The following RAD18 variants were observed in gnomAD, a reference collection of about 807,000 sequenced individuals.
The protein encoded by RAD18 is RAD18 E3 ubiquitin protein ligase.
A neutral mutation model predicts 60.4 loss-of-function variants in RAD18; 47 were observed. The observed-to-expected ratio is 0.78, with a 90% CI of 0.62 to 0.99. The LOEUF (loss-of-function observed/expected upper bound fraction) is 0.99. Among genes scored for constraint, RAD18 ranks in the 50% least tolerant of loss-of-function variants. RAD18 has a pLI of 0.00. For synonymous variants in RAD18, 225 were observed against 195.5 expected (o/e 1.15, Z -1.26); for missense variants, 640 against 593.3 (o/e 1.08, Z -0.82).
chr3:8,929,642 A>T (rs1940514464), intron 7 of RAD18, among the ~76,000 whole-genome samples: 2 of 69,636 alleles, frequency 2.9e-5, no homozygotes. Flanking sequence ...AACTGGAATT[A>T]ATTTTTTTTT....
chr3:8,937,862 T>C (rs1228155230), intron 6 of RAD18, among the ~76,000 whole-genome samples: 1 of 152,178 alleles, frequency 6.6e-6, no homozygotes, highest in Non-Finnish European at 1.5e-5. Flanking sequence ...ACTATAGTGT[T>C]CTTTGAAGCA....
At position 8,902,420 on chromosome 3, in the gene RAD18, T is replaced by C. The variant is rs199699736; in HGVS notation, c.1128A>G (p.Lys376=). The C allele has an allele frequency of 6.2e-7, 1 of 1,610,206 alleles. No individual in the cohort carries two copies. Among genetic ancestry groups the C allele is most frequent in the African/African-American group, 1.3e-5 (1 of 74,810 alleles). Residue 376 remains lysine, a synonymous_variant, in exon 10 of 13, where the codon AAA becomes AAG. Coordinates refer to ENST00000264926, the MANE Select transcript of RAD18 (RefSeq NM_020165.4). ...ATAGCTTTTCTGTAGATTCATCTTC[T>C]TTTGTTATTGTTACTGTTTTTTGTG... ...GMSQKTVTIT[K]EDESTEKLSS...
At chr3:8,898,393 T>C (rs910235551) in intron 11 of RAD18, among the ~76,000 whole-genome samples, 1 of 151,716 alleles carries the variant, frequency 6.6e-6, no homozygotes, top group Non-Finnish European at 1.5e-5. Flanking sequence ...TGTGTGTGTG[T>C]GTGTGTGTGT....
rs1291090946 is a variant in RAD18 at position 8,912,951 on chromosome 3, AT to A, written c.967-580del. On this transcript the variant is annotated intron_variant, in intron 8 of 12. Transcript: ENST00000264926. ...TAATAATAGGGTCAATGTAAATCCCATTTTTTTCCTACTTATTTGGTTACAA... is the reference window on the plus strand; with the variant it reads ...TAATAATAGGGTCAATGTAAATCCCATTTTTTCCTACTTATTTGGTTACAA... Among the ~76,000 whole-genome samples the A allele has an allele frequency of 3.9e-5, 6 of 152,092 alleles. No homozygotes were observed. The South Asian group carries it at 1.2e-3, about 32-fold the overall frequency.
At chr3:8,955,994 C>T (rs76683916) in intron 2 of RAD18, among the ~76,000 whole-genome samples, 1,591 of 152,164 alleles carry the variant, frequency 0.01, 66 homozygotes, top group Admixed American at 0.072. Context: ...ATTAATAAGA[C>T]ACAGTAAGAG....
intron 12 of RAD18, among the ~76,000 whole-genome samples, chr3:8,887,018 G>A (rs1300270578): frequency 6.6e-6 from 1 of 152,340 alleles, no homozygotes; most frequent in South Asian, 2.1e-4. Context: ...ACAGACCAAG[G>A]CAGAGAGACA....
Position 8,948,570 on chromosome 3 carries a change from T to G in RAD18, c.134A>C (p.Tyr45Ser). ...AMIIPQCSHNYCSLCIRKFLS... is the reference protein window; with the variant it reads ...AMIIPQCSHNSCSLCIRKFLS... ...AAATTTTCTTATACAGAGAGAGCAG[T>G]CTGCAAAACACAAAGTGCAACATAA... The change falls in exon 3 of 13, where the codon TAC becomes TCC. Residue 45 changes from tyrosine to serine, a missense_variant and splice_region_variant. Transcript: ENST00000264926. 1.9e-6 allele frequency: 3 copies of G among 1,608,596 alleles called. No individual in the cohort carries two copies. Among genetic ancestry groups the G allele is most frequent in the Non-Finnish European group, 2.6e-6 (3 of 1,175,502 alleles).
intron 9 of RAD18, among the ~76,000 whole-genome samples, chr3:8,908,667 G>T (rs967890487): frequency 2.0e-5 from 3 of 152,136 alleles, no homozygotes; most frequent in African/African-American, 7.2e-5. Context: ...GCAGTATTTT[G>T]TTTTGGCAAC....
intron 4 of RAD18, among the ~76,000 whole-genome samples, chr3:8,944,647 G>C (rs1401317336): frequency 1.5e-5 from 2 of 135,640 alleles, no homozygotes; most frequent in Non-Finnish European, 3.2e-5. Context: ...AGGAAGAAAG[G>C]AAAGCAGAGA....
At chr3:8,948,893 C>T (rs1940881850) in intron 2 of RAD18, among the ~76,000 whole-genome samples, 1 of 152,130 alleles carries the variant, frequency 6.6e-6, no homozygotes, top group African/African-American at 2.4e-5. Context: ...GATATCTCTA[C>T]TGCTTATCAT....
intron 7 of RAD18, among the ~76,000 whole-genome samples, chr3:8,933,377 A>C (rs1396403261): frequency 4.6e-5 from 7 of 152,200 alleles, no homozygotes; most frequent in African/African-American, 9.7e-5. Flanking sequence ...AATGTTCTAC[A>C]TTTCAGTTAG....
At position 8,899,629 on chromosome 3, in the gene RAD18, C is replaced by T. The variant is rs1423302979; in HGVS notation, c.1169-582G>A. Reference sequence around the variant, plus strand: ...TTGTCATATTCTCAGATTTCAAGGTCTCTTATTGCAGATAAAAATAAAGAC... The same window carrying T: ...TTGTCATATTCTCAGATTTCAAGGTTTCTTATTGCAGATAAAAATAAAGAC... On this transcript the variant is annotated intron_variant, in intron 10 of 12. Coordinates refer to ENST00000264926, the MANE Select transcript of RAD18 (RefSeq NM_020165.4). 5.3e-5 allele frequency among the ~76,000 whole-genome samples: 8 copies of T among 152,244 alleles called. No individual in the cohort carries two copies. In the East Asian group the frequency reaches 1.5e-3, roughly 29 times the overall value.
At chr3:8,901,860 A>C (rs1267768273) in intron 10 of RAD18, among the ~76,000 whole-genome samples, 7 of 152,212 alleles carry the variant, frequency 4.6e-5, no homozygotes, top group Non-Finnish European at 1.0e-4. Context: ...TTTCTTGCGC[A>C]CTTTCCCCCA....
chr3:8,899,365 G>C (rs1939859304), intron 10 of RAD18, among the ~76,000 whole-genome samples: 3 of 152,108 alleles, frequency 2.0e-5, no homozygotes, highest in Admixed American at 1.3e-4. Context: ...ATATTTCATA[G>C]ATCAGAGAAC....
chr3:8,938,964 T>G (rs1575556680), intron 6 of RAD18, among the ~76,000 whole-genome samples: 1 of 152,046 alleles, frequency 6.6e-6, no homozygotes, highest in African/African-American at 2.4e-5. Context: ...ACAAGGGAGG[T>G]AGAACAGCAC....
At chr3:8,892,798 T>C (rs1454434789) in intron 11 of RAD18, among the ~76,000 whole-genome samples, 1 of 152,168 alleles carries the variant, frequency 6.6e-6, no homozygotes, top group Non-Finnish European at 1.5e-5. Context: ...AATGTATGAC[T>C]GGTAATGTTA....
chr3:8,899,772 C>T (rs143144690), intron 10 of RAD18, among the ~76,000 whole-genome samples: 76 of 152,222 alleles, frequency 5.0e-4, no homozygotes, highest in African/African-American at 1.8e-3. Flanking sequence ...CAGGATTCTC[C>T]CACTCATCAT....
chr3:8,902,785 G>A (rs1194728919), intron 9 of RAD18, among the ~76,000 whole-genome samples: 1 of 152,018 alleles, frequency 6.6e-6, no homozygotes. Context: ...CCAGCACTTT[G>A]GGAGGCCGAA....
At chr3:8,926,325 A>C (rs1181425414) in intron 7 of RAD18, among the ~76,000 whole-genome samples, 1 of 152,222 alleles carries the variant, frequency 6.6e-6, no homozygotes, top group Non-Finnish European at 1.5e-5. Flanking sequence ...CAAAGAGAAT[A>C]AAATACCTAG....
Sources: gnomAD v4.1 joint callset for allele counts (sites outside exome capture counted in the v4.1 genomes callset) on GRCh38, gnomAD v4.1.1 for gene constraint, MANE v1.5 for transcripts, NCBI Gene and HGNC (gene_info 2026-07-23, HGNC 2026-07-21) for gene names.